Variants in MCUB observed in about 807,000 individuals in gnomAD.
The protein encoded by MCUB is mitochondrial calcium uniporter dominant negative subunit beta, also known as calcium uniporter regulatory subunit MCUb, mitochondrial.
In MCUB, 46 loss-of-function variants were observed where a neutral mutation model predicts 41.4. The ratio of observed to expected loss-of-function variants is 1.11; its 90% confidence interval spans 0.88 to 1.42. The LOEUF (loss-of-function observed/expected upper bound fraction) is 1.42, where lower values mean the gene tolerates loss of function less well. Among genes scored for constraint, MCUB ranks in the 40% most tolerant of loss-of-function variants. The pLI is 0.00. For synonymous variants in MCUB, 148 were observed against 148.2 expected (o/e 1.00, Z 0.01); for missense variants, 403 against 404.9 (o/e 1.00, Z 0.04).
intron 1 of MCUB, among the ~76,000 whole-genome samples, chr4:109,640,053 GTTC>G (rs1211602263): frequency 6.6e-6 from 1 of 152,212 alleles, no homozygotes; most frequent in Non-Finnish European, 1.5e-5. Context: ...ATTATCGTTA[GTTC>G]TTATAGGTTT....
intron 1 of MCUB, among the ~76,000 whole-genome samples, chr4:109,564,864 A>T (rs1726735395): frequency 6.6e-6 from 1 of 152,218 alleles, no homozygotes; most frequent in South Asian, 2.1e-4. Context: ...TAAGTGAGTG[A>T]GGAGAGTAGT....
At chr4:109,570,188 C>T (rs1477837438) in intron 1 of MCUB, among the ~76,000 whole-genome samples, 1 of 152,210 alleles carries the variant, frequency 6.6e-6, no homozygotes, top group Non-Finnish European at 1.5e-5. Context: ...TACTTCTGTA[C>T]TCCCTTGTAT....
intron 4 of MCUB, among the ~76,000 whole-genome samples, chr4:109,672,894 G>A (rs1729490929): frequency 6.6e-6 from 1 of 152,122 alleles, no homozygotes; most frequent in African/African-American, 2.4e-5. Flanking sequence ...GGTTGACCTT[G>A]TACCTATCAT....
At chr4:109,664,871 T>C (rs142015942) in intron 4 of MCUB, among the ~76,000 whole-genome samples, 4 of 152,128 alleles carry the variant, frequency 2.6e-5, no homozygotes, top group African/African-American at 9.7e-5. Context: ...ACCGACATTA[T>C]TGGGTTAAGA....
Position 109,684,558 on chromosome 4 carries a change from A to T in MCUB, c.728A>T (p.Tyr243Phe). ...CTGGCCTGGCTCACGTGGTGGGTGT[A>T]CTCCTGGGATATCATGGAGCCAGTT... Reference protein sequence around the residue: ...GALAWLTWWVYSWDIMEPVTY... With the variant: ...GALAWLTWWVFSWDIMEPVTY... The change falls in exon 6 of 8, where the codon TAC (tyrosine) becomes TTC (phenylalanine). Residue 243 changes from tyrosine (Y) to phenylalanine (F), a missense_variant. Physicochemically the swap from Tyr to Phe is conservative, Grantham distance 22 (BLOSUM62 3). Transcript: ENST00000394650. The T allele has an allele frequency of 1.2e-6, 2 of 1,608,620 alleles. No individual in the cohort carries two copies. Among genetic ancestry groups the T allele is most frequent in the Non-Finnish European group, 1.7e-6 (2 of 1,175,268 alleles).
At chr4:109,564,291 G>T (rs1327376334) in intron 1 of MCUB, among the ~76,000 whole-genome samples, 1 of 151,944 alleles carries the variant, frequency 6.6e-6, no homozygotes, top group Non-Finnish European at 1.5e-5. Context: ...GCCACCATGG[G>T]GGCCAGCTAA....
intron 1 of MCUB, among the ~76,000 whole-genome samples, chr4:109,616,374 G>A: frequency 6.6e-6 from 1 of 152,118 alleles, no homozygotes; most frequent in Non-Finnish European, 1.5e-5. Context: ...TATGAATCTT[G>A]CAGAGAATTT....
intron 2 of MCUB, 27 bp from the exon 3 acceptor site, chr4:109,660,168 A>ATTTTTTTTTTTTTT: frequency 8.9e-7 from 1 of 1,126,340 alleles, no homozygotes; most frequent in Non-Finnish European, 1.3e-6. Flanking sequence ...AAATTTACTC[A>ATTTTTTTTTTTTTT]TTTTTTTTTC....
intron 1 of MCUB, among the ~76,000 whole-genome samples, chr4:109,608,522 C>T (rs970709694): frequency 7.9e-5 from 12 of 152,016 alleles, no homozygotes; most frequent in African/African-American, 2.9e-4. Flanking sequence ...GGGTCTCATT[C>T]TGTTGCCCAG....
chr4:109,657,165 G>A (rs1222399423), intron 1 of MCUB, among the ~76,000 whole-genome samples: 1 of 144,894 alleles, frequency 6.9e-6, no homozygotes, highest in Non-Finnish European at 1.5e-5. Context: ...GTTGCAGTGA[G>A]TTGAAACTGC....
chr4:109,621,742 TAA>T (rs1728254040), intron 1 of MCUB, among the ~76,000 whole-genome samples: 2 of 152,230 alleles, frequency 1.3e-5, no homozygotes, highest in Non-Finnish European at 2.9e-5. Context: ...TGCTTAATGT[TAA>T]GTCACAAAAT....
chr4:109,668,232 T>C (rs1356347621), intron 4 of MCUB, among the ~76,000 whole-genome samples: 1 of 152,142 alleles, frequency 6.6e-6, no homozygotes, highest in African/African-American at 2.4e-5. Context: ...TAGAGGAATG[T>C]TGAAGTCTGT....
intron 1 of MCUB, among the ~76,000 whole-genome samples, chr4:109,564,289 G>C (rs1726719395): frequency 6.6e-6 from 1 of 152,026 alleles, no homozygotes; most frequent in South Asian, 2.1e-4. Flanking sequence ...GTGCCACCAT[G>C]GGGGCCAGCT....
chr4:109,621,853 C>T (rs1728256998), intron 1 of MCUB, among the ~76,000 whole-genome samples: 1 of 152,006 alleles, frequency 6.6e-6, no homozygotes, highest in Non-Finnish European at 1.5e-5. Context: ...AAACATGAAA[C>T]TTATAATGTG....
chr4:109,560,295 G>A lies in MCUB; in HGVS notation c.-43G>A. 9.8e-7 allele frequency: 1 copy of A among 1,016,968 alleles called. No individual in the cohort carries two copies. Among genetic ancestry groups the A allele is most frequent in the Non-Finnish European group, 1.3e-6 (1 of 789,360 alleles). The allele number at this position is 1,016,968 out of a possible 1,614,324, so 63.0% of individuals were successfully genotyped here. On this transcript the variant is annotated 5_prime_UTR_variant, in exon 1 of 8. An upstream start codon of the reference 5' UTR is lost. Coordinates refer to ENST00000394650, the MANE Select transcript of MCUB (RefSeq NM_017918.5). Reference sequence around the variant, plus strand: ...ACGAGGAGCCCGGCTGAGGGAGGATGCGCCGCTGACGCCTGCGGGAGCCGC... The same window carrying A: ...ACGAGGAGCCCGGCTGAGGGAGGATACGCCGCTGACGCCTGCGGGAGCCGC...
At chr4:109,680,140 C>T (rs1729683620) in intron 4 of MCUB, among the ~76,000 whole-genome samples, 1 of 152,114 alleles carries the variant, frequency 6.6e-6, no homozygotes, top group African/African-American at 2.4e-5. Context: ...CCTGTCTTCT[C>T]AAGGACTTGG....
intron 1 of MCUB, among the ~76,000 whole-genome samples, chr4:109,577,202 A>G (rs1727051189): frequency 6.6e-6 from 1 of 152,232 alleles, no homozygotes; most frequent in Non-Finnish European, 1.5e-5. Context: ...TAATATTATT[A>G]AAACTGAAAT....
At chr4:109,637,782 C>A (rs1018850184) in intron 1 of MCUB, among the ~76,000 whole-genome samples, 2 of 152,164 alleles carry the variant, frequency 1.3e-5, no homozygotes, top group African/African-American at 4.8e-5. Flanking sequence ...GAATATACTA[C>A]ACACTGGGTA....
intron 1 of MCUB, among the ~76,000 whole-genome samples, chr4:109,607,393 T>G (rs543277825): frequency 6.6e-6 from 1 of 152,262 alleles, no homozygotes; most frequent in South Asian, 2.1e-4. Flanking sequence ...AATTTTTGTA[T>G]TTTAAGTAGA....
Sources: allele counts gnomAD v4.1 joint callset (sites outside exome capture counted in the v4.1 genomes callset), GRCh38; gene constraint gnomAD v4.1.1; transcripts MANE v1.5; gene names NCBI Gene and HGNC (gene_info 2026-07-23, HGNC 2026-07-21).